The following RPS6KA2 variants were observed in gnomAD, a reference collection of about 807,000 sequenced individuals.
RPS6KA2 encodes the protein ribosomal protein S6 kinase alpha-2.
A neutral mutation model predicts 91.8 loss-of-function variants in RPS6KA2; 42 were observed. The observed-to-expected ratio is 0.46, with a 90% CI of 0.36 to 0.59. The LOEUF (loss-of-function observed/expected upper bound fraction) is 0.59, where lower values mean the gene tolerates loss of function less well. Ranked by LOEUF, RPS6KA2 falls within the 20% of genes least tolerant of loss-of-function variation. The pLI is 0.00. For missense variants in RPS6KA2, 798 were observed against 978.5 expected (o/e 0.82, Z 2.46); for synonymous variants, 414 against 393.6 (o/e 1.05, Z -0.61).
chr6:166,582,243 G>T (rs1030621197), intron 1 of RPS6KA2, among the ~76,000 whole-genome samples: 2 of 152,166 alleles, frequency 1.3e-5, no homozygotes, highest in African/African-American at 4.8e-5. Context: ...CACAGAGAGG[G>T]TGAGCACAGT....
chr6:166,585,630 CA>C (rs757455295), intron 1 of RPS6KA2, among the ~76,000 whole-genome samples: 2,823 of 31,992 alleles, frequency 0.088, 65 homozygotes, highest in Non-Finnish European at 0.11. Flanking sequence ...TTAACAAATG[CA>C]AAAAAAAAAA....
chr6:166,420,056 A>C, intron 17 of RPS6KA2, 98 bp from the exon 18 acceptor site: 2 of 1,166,010 alleles, frequency 1.7e-6, no homozygotes, highest in Non-Finnish European at 2.5e-6. Flanking sequence ...CAAGCTGGGG[A>C]CCAGGAGGAG....
chr6:166,521,403 G>C (rs1183815871), intron 3 of RPS6KA2, among the ~76,000 whole-genome samples: 1 of 152,256 alleles, frequency 6.6e-6, no homozygotes, highest in Non-Finnish European at 1.5e-5. Flanking sequence ...AGTGGGTCTG[G>C]AGGGCACAGC....
chr6:166,410,836 T>A lies in RPS6KA2; in HGVS notation c.*1926A>T, dbSNP rs1395695621. Reference sequence around the variant, plus strand: ...GTCCGGGCAGCTGATGGGGGAATCGTTGCCTGTGTAGCAAGCAGAAAAGGT... The same window carrying A: ...GTCCGGGCAGCTGATGGGGGAATCGATGCCTGTGTAGCAAGCAGAAAAGGT... On this transcript the variant is annotated 3_prime_UTR_variant, in exon 21 of 21. Transcript: ENST00000265678. The A allele has an allele frequency of 6.6e-6, 1 of 152,156 alleles. No individual in the cohort carries two copies. The highest frequency in any genetic ancestry group is 6.5e-5 in the Admixed American group (1 of 15,286). 9.4% of individuals were successfully genotyped at this position (152,156 alleles called of 1,614,324 possible).
intron 2 of RPS6KA2, among the ~76,000 whole-genome samples, chr6:166,698,894 T>C (rs987098145): frequency 6.6e-6 from 1 of 152,186 alleles, no homozygotes; most frequent in Non-Finnish European, 1.5e-5. Context: ...GTTTCCAGGA[T>C]GACAAAGTTT....
intron 2 of RPS6KA2, among the ~76,000 whole-genome samples, chr6:166,822,829 T>C (rs1214655877): frequency 6.6e-6 from 1 of 152,188 alleles, no homozygotes. Context: ...AATCCCATGT[T>C]GCCAGATCTA....
At chr6:166,735,763 G>A (rs1790656644) in intron 2 of RPS6KA2, among the ~76,000 whole-genome samples, 1 of 152,232 alleles carries the variant, frequency 6.6e-6, no homozygotes, top group African/African-American at 2.4e-5. Flanking sequence ...GGAAGCAGCT[G>A]TCAATACAGA....
intron 1 of RPS6KA2, among the ~76,000 whole-genome samples, chr6:166,582,819 C>A (rs1471720027): frequency 3.3e-5 from 5 of 152,032 alleles, no homozygotes; most frequent in African/African-American, 1.2e-4. Flanking sequence ...GAAGAAAAAA[C>A]AAAACACAAA....
intron 2 of RPS6KA2, among the ~76,000 whole-genome samples, chr6:166,656,534 G>T (rs1054379518): frequency 6.6e-6 from 1 of 152,220 alleles, no homozygotes; most frequent in Non-Finnish European, 1.5e-5. Flanking sequence ...CCTCCAGCAG[G>T]GCCTCGGCAG....
chr6:166,497,539 C>T (rs538628348), intron 8 of RPS6KA2, among the ~76,000 whole-genome samples: 1 of 152,252 alleles, frequency 6.6e-6, no homozygotes, highest in South Asian at 2.1e-4. Flanking sequence ...TGGAACACAG[C>T]CAGGGCCTGT....
chr6:166,768,962 AG>A (rs1399568595), intron 2 of RPS6KA2, among the ~76,000 whole-genome samples: 1 of 152,162 alleles, frequency 6.6e-6, no homozygotes, highest in Non-Finnish European at 1.5e-5. Flanking sequence ...GACTGGACAC[AG>A]GGTCCTGGCA....
rs763189 is a variant in RPS6KA2 at position 166,648,198 on chromosome 6, A to G, written c.124-109414T>C. ...CTCACACACATGCACACATGCTCATACACACACTCATGCACACACACGCAC... is the reference window on the plus strand; with the variant it reads ...CTCACACACATGCACACATGCTCATGCACACACTCATGCACACACACGCAC... On this transcript the variant is annotated intron_variant, in intron 2 of 21. Coordinates refer to the RPS6KA2 transcript ENST00000503859. The surrounding 1 kb of genome is among the most constrained non-coding windows in gnomAD (Gnocchi z 4.8). 9.6e-5 allele frequency among the ~76,000 whole-genome samples: 7 copies of G among 72,946 alleles called. No individual in the cohort carries two copies. The highest frequency in any genetic ancestry group is 2.8e-4 in the Admixed American group (2 of 7,246). 47.9% of individuals were successfully genotyped at this position (72,946 alleles called of 152,430 possible). A position where few individuals can be genotyped will look rare whatever the true frequency, so the allele number is the denominator to read the frequency against.
intron 2 of RPS6KA2, among the ~76,000 whole-genome samples, chr6:166,824,958 G>A (rs1045162567): frequency 3.9e-5 from 6 of 152,346 alleles, no homozygotes; most frequent in Non-Finnish European, 5.9e-5. Context: ...AGGCCACAGC[G>A]TTCTGTGCTT....
At chr6:166,519,979 A>G (rs1465579381) in intron 3 of RPS6KA2, among the ~76,000 whole-genome samples, 1 of 152,126 alleles carries the variant, frequency 6.6e-6, no homozygotes, top group African/African-American at 2.4e-5. Flanking sequence ...CAACATTTGA[A>G]TTGGTGGACT....
At chr6:166,613,911 C>A (rs1267401727) in intron 1 of RPS6KA2, among the ~76,000 whole-genome samples, 1 of 152,202 alleles carries the variant, frequency 6.6e-6, no homozygotes, top group East Asian at 1.9e-4. Context: ...GCCTTCAGGA[C>A]ACAGATTCCT....
At chr6:166,510,224 C>A in intron 4 of RPS6KA2, 53 bp downstream of exon 4, 1 of 1,082,624 alleles carries the variant, frequency 9.2e-7, no homozygotes, top group East Asian at 2.4e-5. Context: ...TTTCTTTGAT[C>A]TGGAGAAGGT....
chr6:166,467,731 A>G (rs1780598666), intron 11 of RPS6KA2, among the ~76,000 whole-genome samples: 1 of 152,192 alleles, frequency 6.6e-6, no homozygotes, highest in Non-Finnish European at 1.5e-5. Flanking sequence ...CCCCTGCTGC[A>G]TCCTCCTTGT....
intron 2 of RPS6KA2, among the ~76,000 whole-genome samples, chr6:166,817,921 C>T (rs996870443): frequency 2.0e-5 from 3 of 151,964 alleles, no homozygotes; most frequent in Non-Finnish European, 4.4e-5. Flanking sequence ...TGGGTTTTCA[C>T]CATGTTGCCC....
At chr6:166,725,579 G>A (rs1790311892) in intron 2 of RPS6KA2, among the ~76,000 whole-genome samples, 1 of 152,236 alleles carries the variant, frequency 6.6e-6, no homozygotes, top group African/African-American at 2.4e-5. Flanking sequence ...TGCCTCGAAG[G>A]GAGGTGGAGG....
Sources: allele counts gnomAD v4.1 joint callset (sites outside exome capture counted in the v4.1 genomes callset), GRCh38; gene constraint gnomAD v4.1.1; non-coding constraint Gnocchi (gnomAD v3.1); transcripts MANE v1.5; gene names NCBI Gene and HGNC (gene_info 2026-07-23, HGNC 2026-07-21).